Variants in AOX1 observed in about 807,000 individuals in gnomAD.
The protein encoded by AOX1 is aldehyde oxidase 1.
AOX1 carries 153 observed loss-of-function variants against 169.5 expected under a neutral mutation model. That is an observed-to-expected ratio of 0.90 (90% CI 0.79 to 1.03). The LOEUF (loss-of-function observed/expected upper bound fraction) is 1.03, where lower values mean the gene tolerates loss of function less well. AOX1 is among the 50% of genes least tolerant of loss of function. The pLI, the probability that AOX1 is intolerant of heterozygous loss-of-function variation, is 0.00. For missense variants in AOX1, 1,656 were observed against 1,663.9 expected, an observed-to-expected ratio of 1.00 and a Z score of 0.08; for synonymous variants, 562 against 581.9, an observed-to-expected ratio of 0.97 and a Z score of 0.49.
chr2:200,595,223 A>G (rs776514069), intron 2 of AOX1, 49 bp from the exon 3 acceptor site: 1 of 1,475,412 alleles, frequency 6.8e-7, no homozygotes, highest in East Asian at 2.3e-5. Context: ...GGGCTATTCT[A>G]GAAAGAGAAT....
At chr2:200,637,109 A>C (rs1218914476) in intron 22 of AOX1, 65 bp downstream of exon 22, 1 of 1,588,596 alleles carries the variant, frequency 6.3e-7, no homozygotes, top group East Asian at 2.3e-5. Flanking sequence ...TGTCAGAATC[A>C]ATGAGGAAGA....
chr2:200,609,841 A>ATTCTATATTTATTT (rs2034598398), intron 12 of AOX1, among the ~76,000 whole-genome samples: 2 of 152,210 alleles, frequency 1.3e-5, no homozygotes, highest in African/African-American at 4.8e-5. Flanking sequence ...GGTCTTTTTC[A>ATTCTATATTTATTT]GGTGAAAAAT....
chr2:200,667,742 T>C (rs1290442550), intron 32 of AOX1, among the ~76,000 whole-genome samples: 1 of 137,546 alleles, frequency 7.3e-6, no homozygotes, highest in East Asian at 2.0e-4. Context: ...AGAAGAGGGC[T>C]GGGGACTGCC....
intron 14 of AOX1, 99 bp downstream of exon 14, chr2:200,612,892 G>A: frequency 1.1e-6 from 1 of 916,956 alleles, no homozygotes; most frequent in Non-Finnish European, 1.6e-6. Flanking sequence ...AAGAAGAAAA[G>A]TGTTCCATAC....
intron 18 of AOX1, 95 bp from the exon 19 acceptor site, chr2:200,623,766 A>G (rs560593805): frequency 1.9e-6 from 3 of 1,558,044 alleles, no homozygotes; most frequent in African/African-American, 2.7e-5. Flanking sequence ...CCCTAGCCCT[A>G]CTGTAATCGA....
chr2:200,607,656 A>G (rs2034543344), intron 10 of AOX1, among the ~76,000 whole-genome samples: 1 of 152,212 alleles, frequency 6.6e-6, no homozygotes, highest in Non-Finnish European at 1.5e-5. Context: ...CACTATAAAG[A>G]CACATGCACA....
intron 16 of AOX1, among the ~76,000 whole-genome samples, chr2:200,619,013 T>C (rs74505358): frequency 0.068 from 10,316 of 152,268 alleles, 513 homozygotes; most frequent in Admixed American, 0.096. Flanking sequence ...CCATTTTAGA[T>C]GGATTCAAGT....
intron 5 of AOX1, among the ~76,000 whole-genome samples, chr2:200,601,907 C>T (rs2034423901): frequency 6.6e-6 from 1 of 151,996 alleles, no homozygotes; most frequent in Non-Finnish European, 1.5e-5. Context: ...CACCTGCAGC[C>T]TGGGCGACAG....
At position 200,597,478 on chromosome 2, in the gene AOX1, C is replaced by T; in HGVS notation, c.282C>T (p.Ser94=). Reference sequence around the variant, plus strand: ...TCACCACAGTAGAAGGCATAGGAAGCACCCACACCAGAATTCATCCTGTTC... The same window carrying T: ...TCACCACAGTAGAAGGCATAGGAAGTACCCACACCAGAATTCATCCTGTTC... ...AAVTTVEGIG[S]THTRIHPVQE... Residue 94 remains serine (S), a synonymous_variant, in exon 4 of 35, where the codon AGC becomes AGT. Coordinates refer to ENST00000374700, the MANE Select transcript of AOX1 (RefSeq NM_001159.4). The T allele has an allele frequency of 6.2e-7, 1 of 1,612,216 alleles. No homozygotes were observed. The highest frequency in any genetic ancestry group is 8.5e-7 in the Non-Finnish European group (1 of 1,179,060).
Position 200,620,687 on chromosome 2 carries a change from G to A in AOX1, c.1742G>A (p.Gly581Asp). 1 of 1,567,800 alleles carries A rather than the reference G, an allele frequency of 6.4e-7. No homozygotes were observed. The highest frequency in any genetic ancestry group is 1.3e-5 in the South Asian group (1 of 79,406). The stretch of plus-strand genomic sequence containing the variant: ...AAGCAGCATCCTGAAGACCCAATTG[G>A]CCACCCCATCATGCATCTGTCTGGT... ...GPKQHPEDPI[G>D]HPIMHLSGVK... Residue 581 changes from glycine (G) to aspartate (D), a missense_variant, in exon 17 of 35, where the codon GGC becomes GAC. Gly to Asp is a moderately conservative substitution (Grantham distance 94). Coordinates refer to ENST00000374700, the MANE Select transcript of AOX1 (RefSeq NM_001159.4).
chr2:200,651,632 C>T (rs187371098), intron 26 of AOX1, among the ~76,000 whole-genome samples: 1 of 152,192 alleles, frequency 6.6e-6, no homozygotes, highest in East Asian at 1.9e-4. Context: ...GTTTTGGGTG[C>T]TCCACTCCTT....
intron 31 of AOX1, among the ~76,000 whole-genome samples, chr2:200,664,673 G>A (rs2035894461): frequency 6.6e-6 from 1 of 152,156 alleles, no homozygotes; most frequent in African/African-American, 2.4e-5. Context: ...TAGTGTCACT[G>A]CTAGGCAAAG....
intron 21 of AOX1, among the ~76,000 whole-genome samples, chr2:200,635,885 G>C (rs1047766956): frequency 6.6e-6 from 1 of 152,066 alleles, no homozygotes; most frequent in Admixed American, 6.6e-5. Context: ...CTCGTAAAAG[G>C]CAGGATCCTA....
rs752277791 is a variant in AOX1 at position 200,668,718 on chromosome 2, T to C, written c.3713T>C (p.Ile1238Thr). ...LHTRGPDQYKIPAICDMPTEL... is the reference protein window; with the variant it reads ...LHTRGPDQYKTPAICDMPTEL... ...ACTCGTGGTCCAGACCAATATAAAA[T>C]CCCTGCCATCTGTGACATGCCCACG... Residue 1238 changes from isoleucine to threonine, a missense_variant, in exon 33 of 35, where the codon ATC becomes ACC. Coordinates refer to ENST00000374700, the MANE Select transcript of AOX1 (RefSeq NM_001159.4). 1 of 1,614,238 alleles carries C rather than the reference T, an allele frequency of 6.2e-7. No homozygotes were observed. The highest frequency in any genetic ancestry group is 1.1e-5 in the South Asian group (1 of 91,088).
At chr2:200,677,003 G>T (rs1181396885) in exon 5 of AOX1, 1 of 456,776 alleles carries the variant, frequency 2.2e-6, no homozygotes, top group Non-Finnish European at 4.5e-6. Flanking sequence ...TGGTTTGTTT[G>T]TATGTGAATG....
At chr2:200,634,753 G>T in intron 20 of AOX1, 38 bp from the exon 21 acceptor site, 2 of 1,611,862 alleles carry the variant, frequency 1.2e-6, no homozygotes, top group South Asian at 2.2e-5. Flanking sequence ...TGTTGCTTCT[G>T]ACTGCTTCCT....
At chr2:200,596,920 G>T (rs2034295405) in intron 3 of AOX1, among the ~76,000 whole-genome samples, 1 of 152,032 alleles carries the variant, frequency 6.6e-6, no homozygotes, top group African/African-American at 2.4e-5. Flanking sequence ...TTACCTTCTG[G>T]TCTTTGTACT....
intron 26 of AOX1, among the ~76,000 whole-genome samples, chr2:200,652,746 C>T (rs2035604451): frequency 1.3e-5 from 2 of 152,156 alleles, no homozygotes; most frequent in South Asian, 4.1e-4. Flanking sequence ...CCATTTTCCT[C>T]ATCAGAATTT....
rs2105700117 is a variant in AOX1, at chr2:200,604,902, GGGGT to G, written c.814+66_814+69del. The G allele has an allele frequency of 3.2e-6, 4 of 1,239,630 alleles. 1 individual carries two copies. The highest frequency in any genetic ancestry group is 4.6e-6 in the Non-Finnish European group (4 of 864,088). 76.8% of individuals were successfully genotyped at this position (1,239,630 alleles called of 1,614,324 possible). A position where few individuals can be genotyped will look rare whatever the true frequency, so the allele number is the denominator to read the frequency against. On this transcript the variant is annotated intron_variant, in intron 9 of 34. Coordinates refer to ENST00000374700, the MANE Select transcript of AOX1 (RefSeq NM_001159.4). ...GAGAAAAAGGGCTTGGGATGGGGCC[GGGGT>G]GGGCTGGGGAAACTTCATATACATG...
Sources: allele counts gnomAD v4.1 joint callset (sites outside exome capture counted in the v4.1 genomes callset), GRCh38; gene constraint gnomAD v4.1.1; transcripts MANE v1.5; gene names NCBI Gene and HGNC (gene_info 2026-07-23, HGNC 2026-07-21).